Variants in TRDN observed in about 807,000 individuals in gnomAD.
The protein encoded by TRDN is triadin in skeletal muscle.
In TRDN, 161 loss-of-function variants were observed where a neutral mutation model predicts 149.7. The observed-to-expected ratio is 1.08, with a 90% confidence interval of 0.95 to 1.23. TRDN has a LOEUF of 1.23. TRDN is among the 50% of genes most tolerant of loss of function. TRDN has a pLI of 0.00. For missense variants in TRDN, 896 were observed against 823.5 expected (o/e 1.09, Z -1.08); for synonymous variants, 294 against 250.5 (o/e 1.17, Z -1.64).
rs187655357 is a variant in TRDN, at chr6:123,238,776, T to G, written c.1975+13636A>C. ...ATTGAAAATAGATTCAGATAAAATA[T>G]TAACCAAAAGAAAGCTGGAATAATT... On this transcript the variant is annotated intron_variant, in intron 38 of 40. Coordinates refer to ENST00000334268, the MANE Select transcript of TRDN (RefSeq NM_006073.4). Among the ~76,000 whole-genome samples the G allele has an allele frequency of 2.0e-5, 3 of 152,320 alleles. No individual in the cohort carries two copies. The East Asian group carries it at 5.8e-4, about 29-fold the overall frequency.
At chr6:123,508,662 A>T (rs1392277702) in intron 7 of TRDN, among the ~76,000 whole-genome samples, 1 of 152,144 alleles carries the variant, frequency 6.6e-6, no homozygotes, top group African/African-American at 2.4e-5. Flanking sequence ...GGTCCTACAT[A>T]TGTATCAAGG....
At position 123,329,183 on chromosome 6, in the gene TRDN, A is replaced by G. The variant is rs148692018; in HGVS notation, c.1471+2696T>C. On this transcript the variant is annotated intron_variant, in intron 23 of 40. Transcript: ENST00000334268. ...TGAACGACATTTTTATTTTAATTCAATAGGAGAGTTTAGTGCATAACCAGA... is the reference window on the plus strand; with the variant it reads ...TGAACGACATTTTTATTTTAATTCAGTAGGAGAGTTTAGTGCATAACCAGA... Among the ~76,000 whole-genome samples, 343 of 152,240 alleles carry G rather than the reference A, an allele frequency of 2.3e-3. 2 individuals are homozygous for G. Among genetic ancestry groups the G allele is most frequent in the Admixed American group, 5.8e-3 (88 of 15,258 alleles).
intron 24 of TRDN, among the ~76,000 whole-genome samples, chr6:123,304,531 C>T (rs989345924): frequency 2.6e-5 from 4 of 151,894 alleles, no homozygotes; most frequent in African/African-American, 4.8e-5. Context: ...GGATTAAAGG[C>T]GTGAGACACT....
chr6:123,349,636 T>A lies in TRDN; in HGVS notation c.1369+2903A>T, dbSNP rs1780381721. The A allele has an allele frequency of 4.3e-6, 4 of 924,492 alleles. No individual in the cohort carries two copies. The South Asian group carries it at 2.0e-4, about 46-fold the overall frequency. 57.3% of individuals were successfully genotyped at this position (924,492 alleles called of 1,614,324 possible). A position where few individuals can be genotyped will look rare whatever the true frequency, so the allele number is the denominator to read the frequency against. The stretch of plus-strand genomic sequence containing the variant: ...TTCATTGATTTTAAATGTAAAATTG[T>A]TTCTGTCTTTTTTTATAACTTTGGT... On this transcript the variant is annotated intron_variant, in intron 21 of 40. Transcript: ENST00000334268.
intron 10 of TRDN, among the ~76,000 whole-genome samples, chr6:123,448,292 G>T (rs1775524714): frequency 6.6e-6 from 1 of 152,176 alleles, no homozygotes; most frequent in Non-Finnish European, 1.5e-5. Context: ...GGCAGGGGAA[G>T]AACCAAGCCC....
intron 14 of TRDN, among the ~76,000 whole-genome samples, chr6:123,382,940 ATCT>A (rs1163458341): frequency 1.3e-5 from 2 of 151,984 alleles, no homozygotes; most frequent in Non-Finnish European, 2.9e-5. Flanking sequence ...TTATTTTTTA[ATCT>A]TCTTTGTCCT....
intron 3 of TRDN, among the ~76,000 whole-genome samples, chr6:123,548,141 A>G (rs1760920340): frequency 1.3e-5 from 2 of 152,078 alleles, no homozygotes; most frequent in Admixed American, 1.3e-4. Context: ...CCAAAGAAGC[A>G]TATAAATGTG....
At chr6:123,308,383 A>T (rs1778694181) in intron 24 of TRDN, among the ~76,000 whole-genome samples, 1 of 151,180 alleles carries the variant, frequency 6.6e-6, no homozygotes, top group Non-Finnish European at 1.5e-5. Context: ...AATACCCAGT[A>T]ATTGGATTGC....
chr6:123,432,321 A>G (rs1774368350), intron 12 of TRDN, among the ~76,000 whole-genome samples: 1 of 152,100 alleles, frequency 6.6e-6, no homozygotes, highest in Non-Finnish European at 1.5e-5. Flanking sequence ...CTAATCATAT[A>G]TTGTATATCT....
At chr6:123,619,848 C>T (rs563732621) in intron 1 of TRDN, among the ~76,000 whole-genome samples, 101 of 152,180 alleles carry the variant, frequency 6.6e-4, no homozygotes, top group African/African-American at 2.3e-3. Flanking sequence ...AGTTTAGAGA[C>T]TGTGCATACA....
intron 1 of TRDN, among the ~76,000 whole-genome samples, chr6:123,594,740 G>A (rs1363822509): frequency 7.2e-6 from 1 of 138,444 alleles, no homozygotes; most frequent in Non-Finnish European, 1.6e-5. Flanking sequence ...AAAATTTATA[G>A]TATGAAATGC....
chr6:123,601,360 TGTC>T (rs1291804183), intron 1 of TRDN, among the ~76,000 whole-genome samples: 1 of 152,140 alleles, frequency 6.6e-6, no homozygotes, highest in Non-Finnish European at 1.5e-5. Flanking sequence ...AGTGATATGT[TGTC>T]ATCAACACCT....
chr6:123,446,326 T>C (rs1775350734), intron 10 of TRDN, among the ~76,000 whole-genome samples: 2 of 152,166 alleles, frequency 1.3e-5, no homozygotes, highest in South Asian at 4.1e-4. Flanking sequence ...GCGTGGCACA[T>C]GTGTACATAT....
chr6:123,582,734 A>G (rs969050563), intron 1 of TRDN, among the ~76,000 whole-genome samples: 4 of 152,182 alleles, frequency 2.6e-5, no homozygotes, highest in Admixed American at 6.5e-5. Context: ...GAGGCCTGAC[A>G]TTCCTGTCTT....
chr6:123,415,483 C>T (rs1002257519), intron 12 of TRDN, among the ~76,000 whole-genome samples: 5 of 152,132 alleles, frequency 3.3e-5, no homozygotes, highest in Non-Finnish European at 7.4e-5. Context: ...AGGCTCAAAG[C>T]CAGACAGTCT....
chr6:123,272,175 C>A (rs926947508), intron 29 of TRDN, among the ~76,000 whole-genome samples: 1 of 151,852 alleles, frequency 6.6e-6, no homozygotes, highest in African/African-American at 2.4e-5. Context: ...TTCTGAAGTA[C>A]AATTTATAAA....
intron 7 of TRDN, among the ~76,000 whole-genome samples, chr6:123,507,899 A>G (rs1779001228): frequency 6.6e-6 from 1 of 152,042 alleles, no homozygotes; most frequent in Admixed American, 6.6e-5. Context: ...CATACTACAC[A>G]TGTTGGGAGT....
chr6:123,395,589 C>T (rs1772690617), intron 12 of TRDN, among the ~76,000 whole-genome samples: 1 of 152,228 alleles, frequency 6.6e-6, no homozygotes, highest in East Asian at 1.9e-4. Context: ...CTCCCTAAGC[C>T]TTCCCTGCCC....
chr6:123,441,829 T>C (rs1264336364), intron 10 of TRDN, among the ~76,000 whole-genome samples: 3 of 152,234 alleles, frequency 2.0e-5, no homozygotes, highest in Admixed American at 2.0e-4. Context: ...CCTCCCCTCT[T>C]TGCCCTTCTA....
Sources: gnomAD v4.1 joint callset for allele counts (sites outside exome capture counted in the v4.1 genomes callset) on GRCh38, gnomAD v4.1.1 for gene constraint, MANE v1.5 for transcripts, NCBI Gene and HGNC (gene_info 2026-07-23, HGNC 2026-07-21) for gene names.